The following TBX5 variants were observed in gnomAD, a reference collection of about 807,000 sequenced individuals.
TBX5 encodes the protein T-box transcription factor TBX5.
Under a neutral mutation model 51.1 loss-of-function variants are expected in TBX5, and 8 were observed. The ratio of observed to expected loss-of-function variants is 0.16; its 90% confidence interval spans 0.09 to 0.28. The LOEUF (loss-of-function observed/expected upper bound fraction) is 0.28. Ranked by LOEUF, TBX5 falls within the 10% of genes least tolerant of loss-of-function variation. The pLI is 1.00. For synonymous variants in TBX5, 302 were observed against 266.4 expected, an observed-to-expected ratio of 1.13 and a Z score of -1.30; for missense variants, 589 against 671.7, an observed-to-expected ratio of 0.88 and a Z score of 1.36.
chr12:114,405,835 G>A lies in TBX5; in HGVS notation c.-246C>T, dbSNP rs1872182258. ...CCCACCTCCAACACACACCTCCTCT[G>A]CTGTGCGCTTGCTCTCCCTAAATAC... is the stretch of plus-strand genomic sequence containing the variant. On this transcript the variant is annotated 5_prime_UTR_variant, in exon 1 of 9. Coordinates refer to ENST00000405440, the MANE Select transcript of TBX5 (RefSeq NM_181486.4). The A allele has an allele frequency of 3.0e-6, 3 of 985,526 alleles. No individual in the cohort carries two copies. The highest frequency in any genetic ancestry group is 3.6e-6 in the Non-Finnish European group (3 of 830,008). 61.0% of individuals were successfully genotyped at this position (985,526 alleles called of 1,614,324 possible).
chr12:114,379,418 A>G (rs779069529), intron 7 of TBX5, among the ~76,000 whole-genome samples: 1 of 152,112 alleles, frequency 6.6e-6, no homozygotes, highest in South Asian at 2.1e-4. Flanking sequence ...AAGACTCCCA[A>G]TGTGTTGTTG....
In TBX5 at chr12:114,370,302, G is replaced by T. The variant is rs1293638659; in HGVS notation, c.756-3911C>A. Among the ~76,000 whole-genome samples, 9 of 139,764 alleles carry T rather than the reference G, an allele frequency of 6.4e-5. 1 individual carries two copies. Among genetic ancestry groups the T allele is most frequent in the Admixed American group, 2.1e-4 (3 of 13,972 alleles). 91.7% of individuals were successfully genotyped at this position (139,764 alleles called of 152,430 possible). A position where few individuals can be genotyped will look rare whatever the true frequency, so the allele number is the denominator to read the frequency against. On this transcript the variant is annotated intron_variant, in intron 7 of 8. Coordinates refer to ENST00000405440, the MANE Select transcript of TBX5 (RefSeq NM_181486.4). Reference sequence around the variant, plus strand: ...AGAAAAGAAAAGAAAGAAAAGAAAAGAAAAGAAAAGAAAGAAAAGAAAAGA... The same window carrying T: ...AGAAAAGAAAAGAAAGAAAAGAAAATAAAAGAAAAGAAAGAAAAGAAAAGA...
Position 114,385,550 on chromosome 12 carries a change from A to G in TBX5, c.681T>C (p.Ile227=). ...YQNHKITQLK[I]ENNPFAKGFR... ...ATCCTTTGGCAAAGGGATTATTCTC[A>G]ATCTTTAATTGCGTGATCTGAAGGA... Residue 227 remains isoleucine (I), a synonymous_variant, in exon 7 of 9, where the codon ATT becomes ATC. Transcript: ENST00000405440. The G allele has an allele frequency of 6.2e-7, 1 of 1,614,154 alleles. No homozygotes were observed. Among genetic ancestry groups the G allele is most frequent in the Non-Finnish European group, 8.5e-7 (1 of 1,180,010 alleles).
intron 3 of TBX5, among the ~76,000 whole-genome samples, chr12:114,400,874 G>A (rs1354772717): frequency 6.6e-6 from 1 of 152,222 alleles, no homozygotes; most frequent in Admixed American, 6.5e-5. Flanking sequence ...AGTTTATTGA[G>A]GGAGGCTTCG....
At chr12:114,365,135 A>C (rs1869443699) in intron 8 of TBX5, among the ~76,000 whole-genome samples, 2 of 151,988 alleles carry the variant, frequency 1.3e-5, no homozygotes, top group Non-Finnish European at 2.9e-5. Context: ...TAGTAGATTT[A>C]AATGGGGGAT....
At chr12:114,389,415 A>G (rs1871022151) in intron 6 of TBX5, among the ~76,000 whole-genome samples, 1 of 152,128 alleles carries the variant, frequency 6.6e-6, no homozygotes, top group Non-Finnish European at 1.5e-5. Flanking sequence ...ACCATAAATC[A>G]TCTCTTAATG....
chr12:114,391,094 C>G (rs1407316099), intron 6 of TBX5, among the ~76,000 whole-genome samples: 1 of 152,198 alleles, frequency 6.6e-6, no homozygotes, highest in Non-Finnish European at 1.5e-5. Flanking sequence ...AGAGACAGAT[C>G]ATTCTGAAGG....
chr12:114,376,265 GTA>G (rs143603426), intron 7 of TBX5, among the ~76,000 whole-genome samples: 20,499 of 149,080 alleles, frequency 0.14, 1,885 homozygotes, highest in East Asian at 0.48. Flanking sequence ...AATGTGGTGT[GTA>G]TATATATACA....
At chr12:114,371,368 T>C (rs1869891759) in intron 7 of TBX5, among the ~76,000 whole-genome samples, 1 of 152,108 alleles carries the variant, frequency 6.6e-6, no homozygotes, top group Non-Finnish European at 1.5e-5. Context: ...CCTTCTCTCA[T>C]GTTCTGTTCC....
At chr12:114,386,077 G>T (rs951977841) in intron 6 of TBX5, among the ~76,000 whole-genome samples, 8 of 152,112 alleles carry the variant, frequency 5.3e-5, no homozygotes, top group Non-Finnish European at 8.8e-5. Flanking sequence ...TCATAGTTTT[G>T]CAGATAGCGT....
intron 5 of TBX5, among the ~76,000 whole-genome samples, chr12:114,397,912 A>C (rs558647894): frequency 1.3e-5 from 2 of 152,350 alleles, no homozygotes; most frequent in Non-Finnish European, 2.9e-5. Flanking sequence ...GGAACATCCC[A>C]AAATTAAGGC....
In TBX5 at chr12:114,354,627, C is replaced by T. The variant is rs1331548925; in HGVS notation, c.*905G>A. 1.3e-5 allele frequency: 2 copies of T among 152,488 alleles called. No homozygotes were observed. The highest frequency in any genetic ancestry group is 2.9e-5 in the Non-Finnish European group (2 of 68,026). 9.4% of individuals were successfully genotyped at this position (152,488 alleles called of 1,614,324 possible). A position where few individuals can be genotyped will look rare whatever the true frequency, so the allele number is the denominator to read the frequency against. On this transcript the variant is annotated 3_prime_UTR_variant, in exon 9 of 9. Transcript: ENST00000405440. The stretch of plus-strand genomic sequence containing the variant: ...AAGAATATTTATTTTGGCTTTTTGT[C>T]CACAACTCTTGTCAACACAGAGCTT...
At chr12:114,400,069 T>A (rs1373885546) in intron 3 of TBX5, among the ~76,000 whole-genome samples, 2 of 152,202 alleles carry the variant, frequency 1.3e-5, no homozygotes, top group Non-Finnish European at 2.9e-5. Context: ...ATCCTCGCGT[T>A]GCTAAGGTGT....
At chr12:114,406,938 A>G, upstream of TBX5, 1 of 556,316 alleles carries the variant, frequency 1.8e-6, no homozygotes, top group East Asian at 1.5e-4. Context: ...AGATTGGGAC[A>G]CCGAATATTG....
chr12:114,378,390 G>A (rs1565932303), intron 7 of TBX5, among the ~76,000 whole-genome samples: 3 of 152,284 alleles, frequency 2.0e-5, no homozygotes, highest in South Asian at 4.1e-4. Context: ...CAGCCAGGCA[G>A]GCCCCTTCAT....
chr12:114,401,769 C>T, intron 3 of TBX5, 57 bp downstream of exon 3: 1 of 1,551,294 alleles, frequency 6.4e-7, no homozygotes, highest in Non-Finnish European at 8.9e-7. Context: ...ACCTTTTCTT[C>T]TTCACCTCTC....
At chr12:114,382,569 C>A (rs1052538711) in intron 7 of TBX5, among the ~76,000 whole-genome samples, 1 of 151,694 alleles carries the variant, frequency 6.6e-6, no homozygotes, top group African/African-American at 2.4e-5. Context: ...GAGGCCGAGG[C>A]GGGTGGATTG....
rs1868861258 is a variant in TBX5, at chr12:114,355,807, CGGA to C, written c.1279_1281del (p.Ser427del). 1 of 1,613,924 alleles carries C rather than the reference CGGA, an allele frequency of 6.2e-7. No homozygotes were observed. Among genetic ancestry groups the C allele is most frequent in the Non-Finnish European group, 8.5e-7 (1 of 1,180,038 alleles). Reference sequence around the variant, plus strand: ...ACCAGGGGCCCCGAGGTGAAGTGAGCGGAGAAGTGCTGGTAGGGTAGCCTGTCC... The same window carrying C: ...ACCAGGGGCCCCGAGGTGAAGTGAGCGAAGTGCTGGTAGGGTAGCCTGTCC... On this transcript the variant is annotated inframe_deletion, in exon 9 of 9. Coordinates refer to ENST00000405440, the MANE Select transcript of TBX5 (RefSeq NM_181486.4).
At chr12:114,368,251 C>T (rs1593849218) in intron 7 of TBX5, among the ~76,000 whole-genome samples, 1 of 152,160 alleles carries the variant, frequency 6.6e-6, no homozygotes, top group Non-Finnish European at 1.5e-5. Context: ...AAGAGGATTG[C>T]TTGAGCCCAG....
Sources: allele counts gnomAD v4.1 joint callset (sites outside exome capture counted in the v4.1 genomes callset), GRCh38; gene constraint gnomAD v4.1.1; transcripts MANE v1.5; gene names NCBI Gene and HGNC (gene_info 2026-07-23, HGNC 2026-07-21).